Variants in MED12L observed in about 807,000 individuals in gnomAD.
The protein encoded by MED12L is mediator of RNA polymerase II transcription subunit 12-like protein.
Under a neutral mutation model 281.3 loss-of-function variants are expected in MED12L, and 60 were observed. The observed-to-expected ratio is 0.21, with a 90% CI of 0.17 to 0.26. The LOEUF is 0.26. Among genes scored for constraint, MED12L ranks in the 10% least tolerant of loss-of-function variants. The probability of loss-of-function intolerance (pLI) is 1.00; values close to 1 mark genes in which losing one functional copy is unlikely to be tolerated. For missense variants in MED12L, 2,146 were observed against 2,680.9 expected, an observed-to-expected ratio of 0.80 and a Z score of 4.41; for synonymous variants, 974 against 987.2, an observed-to-expected ratio of 0.99 and a Z score of 0.25.
At chr3:151,218,121 C>G (rs1728596980) in intron 16 of MED12L, among the ~76,000 whole-genome samples, 2 of 152,120 alleles carry the variant, frequency 1.3e-5, no homozygotes, top group African/African-American at 2.4e-5. Flanking sequence ...TCAAATCTTT[C>G]ACAAATGAAG....
At chr3:151,380,762 A>G (rs1303518595) in intron 32 of MED12L, among the ~76,000 whole-genome samples, 3 of 152,222 alleles carry the variant, frequency 2.0e-5, no homozygotes, top group Non-Finnish European at 4.4e-5. Flanking sequence ...TATAAAAGTA[A>G]AATTTTATAT....
At position 151,107,440 on chromosome 3, in the gene MED12L, G is replaced by A. The variant is rs560332808; in HGVS notation, c.100-8898G>A. ...GCAGTTTGGGGTATTTATAACACTTGGAATTCGCTCACTATGGAATCCCCT... is the reference window on the plus strand; with the variant it reads ...GCAGTTTGGGGTATTTATAACACTTAGAATTCGCTCACTATGGAATCCCCT... On this transcript the variant is annotated intron_variant, in intron 2 of 44. Transcript: ENST00000687756. 2.0e-5 allele frequency among the ~76,000 whole-genome samples: 3 copies of A among 152,174 alleles called. No individual in the cohort carries two copies. In the South Asian group the frequency reaches 6.2e-4, roughly 32 times the overall value.
chr3:151,131,025 T>TTG (rs1181888308), intron 5 of MED12L, among the ~76,000 whole-genome samples: 1 of 151,736 alleles, frequency 6.6e-6, no homozygotes, highest in South Asian at 2.1e-4. Context: ...ACATTTATGT[T>TTG]TGTGTGTGTG....
At chr3:151,314,360 T>C (rs984634538) in intron 16 of MED12L, among the ~76,000 whole-genome samples, 1 of 152,198 alleles carries the variant, frequency 6.6e-6, no homozygotes, top group African/African-American at 2.4e-5. Flanking sequence ...ATTTGTAAGG[T>C]CAGAAAGAAC....
intron 16 of MED12L, among the ~76,000 whole-genome samples, chr3:151,319,639 A>T (rs73006546): frequency 0.023 from 3,533 of 152,170 alleles, 128 homozygotes; most frequent in African/African-American, 0.082. Context: ...TTTCATCTAG[A>T]TTTATAAATT....
intron 16 of MED12L, among the ~76,000 whole-genome samples, chr3:151,263,473 G>T (rs1739274624): frequency 6.6e-6 from 1 of 152,168 alleles, no homozygotes. Flanking sequence ...ACATTTGTTT[G>T]TAAAGTTGTT....
intron 16 of MED12L, among the ~76,000 whole-genome samples, chr3:151,323,297 T>G (rs931903583): frequency 4.6e-5 from 7 of 152,188 alleles, no homozygotes; most frequent in African/African-American, 1.4e-4. Context: ...GGCTCTTCCT[T>G]CAGTCTAGAA....
chr3:151,099,528 T>C (rs1435799084), intron 2 of MED12L, among the ~76,000 whole-genome samples: 1 of 152,228 alleles, frequency 6.6e-6, no homozygotes, highest in Non-Finnish European at 1.5e-5. Context: ...TTTTTGCATA[T>C]CTCTTTAATG....
chr3:151,107,735 G>A (rs1298826905), intron 2 of MED12L, among the ~76,000 whole-genome samples: 1 of 151,804 alleles, frequency 6.6e-6, no homozygotes, highest in Non-Finnish European at 1.5e-5. Flanking sequence ...TAATGGACCA[G>A]GCACTGTGCT....
chr3:151,135,378 G>A (rs967060402), intron 5 of MED12L, among the ~76,000 whole-genome samples: 2 of 152,190 alleles, frequency 1.3e-5, no homozygotes, highest in East Asian at 3.8e-4. Flanking sequence ...ACAGTGACTG[G>A]CATACAGTAA....
At chr3:151,383,145 A>G (rs1712702714) in intron 33 of MED12L, among the ~76,000 whole-genome samples, 1 of 152,260 alleles carries the variant, frequency 6.6e-6, no homozygotes, top group African/African-American at 2.4e-5. Context: ...TATAAAGACA[A>G]ATCCCACAGA....
At chr3:151,116,578 G>A (rs1473830386) in intron 3 of MED12L, 136 bp downstream of exon 3, 4 of 599,348 alleles carry the variant, frequency 6.7e-6, no homozygotes, top group South Asian at 2.0e-5. Context: ...CATGTATACC[G>A]TCCTGCCCCA....
At chr3:151,338,784 T>A (rs1369023905) in intron 16 of MED12L, 3 of 1,613,960 alleles carry the variant, frequency 1.9e-6, no homozygotes, top group Non-Finnish European at 2.5e-6. Flanking sequence ...GGTGATTTTG[T>A]AGTCTCTGGT....
intron 20 of MED12L, among the ~76,000 whole-genome samples, chr3:151,358,603 A>G (rs2150066735): frequency 6.6e-6 from 1 of 152,234 alleles, no homozygotes; most frequent in South Asian, 2.1e-4. Context: ...TGTTATTTTG[A>G]AATTGATTTC....
chr3:151,103,446 T>G (rs1721632781), intron 2 of MED12L, among the ~76,000 whole-genome samples: 1 of 152,224 alleles, frequency 6.6e-6, no homozygotes, highest in Non-Finnish European at 1.5e-5. Flanking sequence ...ACTAGGACAC[T>G]TCTGGGTAGG....
intron 16 of MED12L, among the ~76,000 whole-genome samples, chr3:151,266,291 C>G (rs1739822751): frequency 6.6e-6 from 1 of 152,156 alleles, no homozygotes; most frequent in African/African-American, 2.4e-5. Context: ...ATGAACTTAT[C>G]AAAGCCAAAA....
intron 16 of MED12L, chr3:151,328,151 G>C: frequency 6.2e-7 from 1 of 1,612,850 alleles, no homozygotes; most frequent in Non-Finnish European, 8.5e-7. Flanking sequence ...CAAAAAGAGA[G>C]TTGTTTCTTT....
intron 39 of MED12L, 138 bp from the exon 40 acceptor site, chr3:151,409,105 A>AT: frequency 1.5e-6 from 1 of 649,226 alleles, no homozygotes; most frequent in Non-Finnish European, 2.7e-6. Context: ...GAGAAATAAT[A>AT]TTTAATACAT....
chr3:151,099,620 T>C (rs1046451449), intron 2 of MED12L, among the ~76,000 whole-genome samples: 8 of 152,210 alleles, frequency 5.3e-5, no homozygotes, highest in Non-Finnish European at 1.0e-4. Flanking sequence ...AATCTGGCCT[T>C]TCACAGACAA....
Sources: gnomAD v4.1 joint callset for allele counts (sites outside exome capture counted in the v4.1 genomes callset) on GRCh38, gnomAD v4.1.1 for gene constraint, MANE v1.5 for transcripts, NCBI Gene and HGNC (gene_info 2026-07-23, HGNC 2026-07-21) for gene names.